Variants in GDPD5 observed in about 807,000 individuals in gnomAD.
GDPD5 encodes the protein glycerophosphodiester phosphodiesterase domain containing 5, also known as glycerophosphodiester phosphodiesterase 2.
Under a neutral mutation model 75.1 loss-of-function variants are expected in GDPD5, and 48 were observed. The ratio of observed to expected loss-of-function variants is 0.64; its 90% CI spans 0.51 to 0.81. The LOEUF (loss-of-function observed/expected upper bound fraction) is 0.81, where lower values mean the gene tolerates loss of function less well. GDPD5 is among the 40% of genes least tolerant of loss of function. The pLI is 0.00. For missense variants in GDPD5, 706 were observed against 822.6 expected (o/e 0.86, Z 1.73); for synonymous variants, 336 against 339.0 (o/e 0.99, Z 0.10).
chr11:75,493,144 TC>T (rs1294259761), intron 1 of GDPD5, among the ~76,000 whole-genome samples: 1 of 151,998 alleles, frequency 6.6e-6, no homozygotes. Flanking sequence ...TGTCTATTGT[TC>T]ATTGTATGAT....
At chr11:75,449,776 C>T in intron 7 of GDPD5, 109 bp downstream of exon 7, 1 of 1,298,496 alleles carries the variant, frequency 7.7e-7, no homozygotes, top group Non-Finnish European at 1.1e-6. Flanking sequence ...TTCTGACCTG[C>T]TCTGTGACCC....
At chr11:75,490,124 T>C (rs1438946050) in intron 2 of GDPD5, 113 bp downstream of exon 2, 1 of 152,196 alleles carries the variant, frequency 6.6e-6, no homozygotes, top group East Asian at 1.9e-4. Flanking sequence ...ATCCCATTTA[T>C]GCCTTTTTCA....
At chr11:75,443,374 AC>A in intron 10 of GDPD5, 88 bp from the exon 11 acceptor site, 1 of 1,446,946 alleles carries the variant, frequency 6.9e-7, no homozygotes, top group Non-Finnish European at 9.3e-7. Context: ...AGTCCTCCCC[AC>A]CCAGCACAGG....
At chr11:75,436,824 C>A in intron 16 of GDPD5, 112 bp downstream of exon 16, 1 of 774,248 alleles carries the variant, frequency 1.3e-6, no homozygotes, top group Non-Finnish European at 2.2e-6. Context: ...GTGCCCTTGT[C>A]CCTACCCATA....
At position 75,456,557 on chromosome 11, in the gene GDPD5, G is replaced by C. The variant is rs111692982; in HGVS notation, c.375+200C>G. ...AATGATAACAGTACCTACATCACAA[G>C]GTTGCTGTAAGGGTTAAGTGAATGA... On this transcript the variant is annotated intron_variant, in intron 6 of 16. Transcript: ENST00000336898. 28 of 597,852 alleles carry C rather than the reference G, an allele frequency of 4.7e-5. 2 individuals are homozygous for C. In the African/African-American group the frequency reaches 5.0e-4, roughly 11 times the overall value. The allele number at this position is 597,852 out of a possible 1,614,324, so 37.0% of individuals were successfully genotyped here.
At chr11:75,445,497 G>A (rs979201682) in intron 9 of GDPD5, among the ~76,000 whole-genome samples, 2 of 152,186 alleles carry the variant, frequency 1.3e-5, no homozygotes, top group African/African-American at 4.8e-5. Context: ...ACCCGTTGCT[G>A]CCACTGGGGG....
chr11:75,491,721 T>A (rs1449796117), intron 1 of GDPD5, among the ~76,000 whole-genome samples: 1 of 152,224 alleles, frequency 6.6e-6, no homozygotes, highest in Non-Finnish European at 1.5e-5. Context: ...ATACTACTAC[T>A]AATAAAACCT....
intron 2 of GDPD5, among the ~76,000 whole-genome samples, chr11:75,484,608 G>A (rs1349051393): frequency 1.3e-5 from 2 of 152,176 alleles, no homozygotes; most frequent in Non-Finnish European, 2.9e-5. Flanking sequence ...TTGAGGTCAA[G>A]TGCCATGGCT....
chr11:75,476,344 A>G (rs1790156), intron 3 of GDPD5, among the ~76,000 whole-genome samples: 89,495 of 151,116 alleles, frequency 0.59, 27,348 homozygotes, highest in East Asian at 0.79. Flanking sequence ...ATCACATGTC[A>G]TGGCCCAGCG....
rs1006758161 is a variant in GDPD5 at position 75,443,219 on chromosome 11, ACTC to A, written c.862_864del (p.Glu288del). The stretch of plus-strand genomic sequence containing the variant: ...GCAGGCCTGCGGGCCAGCTCCGGGA[ACTC>A]CTCCTCCACGTTGGTGGTGCGCCGC... On this transcript the variant is annotated inframe_deletion, in exon 11 of 17. Transcript: ENST00000336898. The A allele has an allele frequency of 1.0e-5, 16 of 1,607,396 alleles. No homozygotes were observed. Among genetic ancestry groups the A allele is most frequent in the Non-Finnish European group, 5.9e-6 (7 of 1,177,716 alleles).
intron 3 of GDPD5, among the ~76,000 whole-genome samples, chr11:75,471,397 T>A (rs1949661740): frequency 6.6e-6 from 1 of 152,338 alleles, no homozygotes; most frequent in South Asian, 2.1e-4. Flanking sequence ...TTTATTTTTC[T>A]GGACTACAGA....
chr11:75,495,063 C>A (rs767826464), intron 1 of GDPD5, among the ~76,000 whole-genome samples: 1 of 151,936 alleles, frequency 6.6e-6, no homozygotes, highest in African/African-American at 2.4e-5. Context: ...GTCAGGAGCT[C>A]GAGACCATTC....
chr11:75,449,285 G>A (rs1360384756), intron 8 of GDPD5, among the ~76,000 whole-genome samples, 163 bp from the exon 9 acceptor site: 1 of 152,180 alleles, frequency 6.6e-6, no homozygotes, highest in Non-Finnish European at 1.5e-5. Context: ...ACAGACACAG[G>A]TGCATACATG....
chr11:75,512,281 GACACAC>G (rs145862089), intron 1 of GDPD5, among the ~76,000 whole-genome samples: 15,795 of 123,060 alleles, frequency 0.13, 1,131 homozygotes, highest in Admixed American at 0.21. Context: ...AATTGGGAAG[GACACAC>G]ACACACACAC....
intron 9 of GDPD5, among the ~76,000 whole-genome samples, chr11:75,445,269 C>T (rs1948956176): frequency 6.6e-6 from 1 of 152,194 alleles, no homozygotes; most frequent in African/African-American, 2.4e-5. Context: ...CCCGCTTCAA[C>T]TTCCCAAATA....
chr11:75,455,736 G>A (rs1374501591), intron 6 of GDPD5, among the ~76,000 whole-genome samples: 1 of 152,234 alleles, frequency 6.6e-6, no homozygotes, highest in East Asian at 1.9e-4. Flanking sequence ...GGAGGGAGGG[G>A]CTCTGCCTTG....
chr11:75,436,236 T>G (rs1055180027), intron 16 of GDPD5, among the ~76,000 whole-genome samples: 2 of 152,220 alleles, frequency 1.3e-5, no homozygotes, highest in African/African-American at 4.8e-5. Context: ...AAAGCTCTGC[T>G]GAGTGGAGTT....
rs1032096783 is a variant in GDPD5 at position 75,504,870 on chromosome 11, G to A, written c.-144-14550C>T. ...CGGCCAGGCACAGTGGCTCACGCCT[G>A]TAATTCCAGCACTTTGGGAGGCCGA... is the stretch of plus-strand genomic sequence containing the variant. On this transcript the variant is annotated intron_variant, in intron 1 of 16. Transcript: ENST00000336898. Among the ~76,000 whole-genome samples, 11 of 152,322 alleles carry A rather than the reference G, an allele frequency of 7.2e-5. 1 individual carries two copies. The highest frequency in any genetic ancestry group is 1.7e-4 in the African/African-American group (7 of 41,562).
intron 3 of GDPD5, among the ~76,000 whole-genome samples, chr11:75,464,996 C>T (rs1298907799): frequency 3.3e-5 from 5 of 152,188 alleles, no homozygotes; most frequent in South Asian, 2.1e-4. Flanking sequence ...TCTCAGAATC[C>T]GTCTTGCCAC....
Sources: gnomAD v4.1 joint callset for allele counts (sites outside exome capture counted in the v4.1 genomes callset) on GRCh38, gnomAD v4.1.1 for gene constraint, MANE v1.5 for transcripts, NCBI Gene and HGNC (gene_info 2026-07-23, HGNC 2026-07-21) for gene names.